ARHGEF18: variants seen among roughly 807,000 people sequenced by gnomAD.
The protein encoded by ARHGEF18 is rho guanine nucleotide exchange factor 18.
Under a neutral mutation model 155.7 loss-of-function variants are expected in ARHGEF18, and 93 were observed. The ratio of observed to expected loss-of-function variants is 0.60; its 90% CI spans 0.50 to 0.71. The LOEUF (loss-of-function observed/expected upper bound fraction) is 0.71. Among genes scored for constraint, ARHGEF18 ranks in the 30% least tolerant of loss-of-function variants. The probability of loss-of-function intolerance (pLI) is 0.00; values close to 1 mark genes in which losing one functional copy is unlikely to be tolerated. For synonymous variants in ARHGEF18, 742 were observed against 753.1 expected, an observed-to-expected ratio of 0.99 and a Z score of 0.24; for missense variants, 1,593 against 1,816.1, an observed-to-expected ratio of 0.88 and a Z score of 2.23.
intron 1 of ARHGEF18, among the ~76,000 whole-genome samples, chr19:7,349,490 G>C (rs13344291): frequency 0.045 from 6,891 of 151,962 alleles, 524 homozygotes; most frequent in African/African-American, 0.16. Flanking sequence ...AAGAAAGGAG[G>C]GTGGAGGCCG....
intron 1 of ARHGEF18, chr19:7,355,538 C>A: frequency 2.4e-6 from 2 of 824,444 alleles, no homozygotes; most frequent in Non-Finnish European, 2.9e-6. Flanking sequence ...ACCTTGGAGG[C>A]AGTCTCCGCC....
intron 1 of ARHGEF18, among the ~76,000 whole-genome samples, chr19:7,360,573 C>T (rs962926952): frequency 1.3e-4 from 20 of 152,172 alleles, no homozygotes; most frequent in African/African-American, 2.2e-4. Flanking sequence ...GGATCCCAGA[C>T]CTTCAGGGTT....
At chr19:7,403,549 C>CTTTTT (rs200331404) in intron 10 of ARHGEF18, among the ~76,000 whole-genome samples, 7 of 130,186 alleles carry the variant, frequency 5.4e-5, no homozygotes, top group African/African-American at 3.0e-4. Context: ...TTCTTTCTTT[C>CTTTTT]TTTCTTTTTT....
downstream of ARHGEF18, chr19:7,477,203 CAG>C (rs781542958): frequency 2.1e-5 from 31 of 1,490,928 alleles, no homozygotes; most frequent in East Asian, 7.3e-5. Context: ...CCGGCAGTGT[CAG>C]GGGGTAGTGG....
intron 15 of ARHGEF18, among the ~76,000 whole-genome samples, chr19:7,448,488 G>T (rs551213393): frequency 9.2e-5 from 14 of 152,172 alleles, no homozygotes; most frequent in Admixed American, 6.6e-4. Context: ...GGTGAAACCT[G>T]GTCTCTACTA....
intron 26 of ARHGEF18, 79 bp from the exon 27 acceptor site, chr19:7,468,746 T>G: frequency 7.1e-7 from 1 of 1,410,582 alleles, no homozygotes; most frequent in South Asian, 1.4e-5. Flanking sequence ...GAGGGTCTCC[T>G]GTGCACGACC....
In ARHGEF18 at chr19:7,463,642, G is replaced by A. The variant is rs1010392414; in HGVS notation, c.2636-176G>A. On this transcript the variant is annotated intron_variant, in intron 21 of 28. Transcript: ENST00000668164. This position sits in a 1 kb window ranked among gnomAD's most constrained non-coding sequence, Gnocchi z 5.2. Reference sequence around the variant, plus strand: ...GCCTGTCCTGGTGGCCATACCTGAAGTAAGGGTGTGCGCAGGGACAGTGGG... The same window carrying A: ...GCCTGTCCTGGTGGCCATACCTGAAATAAGGGTGTGCGCAGGGACAGTGGG... Among the ~76,000 whole-genome samples the A allele has an allele frequency of 8.5e-5, 13 of 152,332 alleles. No homozygotes were observed. The highest frequency in any genetic ancestry group is 3.4e-3 in the Middle Eastern group (1 of 294).
At chr19:7,376,786 A>C in intron 5 of ARHGEF18, 29 bp downstream of exon 5, 2 of 1,222,778 alleles carry the variant, frequency 1.6e-6, no homozygotes, top group Non-Finnish European at 2.0e-6. Context: ...TCCTTCATTC[A>C]AACCAAGTCA....
At chr19:7,367,472 C>A (rs547728613) in intron 2 of ARHGEF18, among the ~76,000 whole-genome samples, 1 of 151,912 alleles carries the variant, frequency 6.6e-6, no homozygotes, top group Middle Eastern at 3.2e-3. Flanking sequence ...TGGGGCCGGG[C>A]GTGGTGACTC....
chr19:7,459,844 T>C, intron 19 of ARHGEF18, 59 bp from the exon 20 acceptor site: 1 of 1,437,794 alleles, frequency 7.0e-7, no homozygotes, highest in Non-Finnish European at 9.5e-7. Flanking sequence ...AACCAGCGTC[T>C]GTGCCGAGGC....
intron 14 of ARHGEF18, among the ~76,000 whole-genome samples, chr19:7,445,145 C>T (rs560359108): frequency 3.3e-5 from 5 of 152,320 alleles, no homozygotes; most frequent in African/African-American, 1.2e-4. Context: ...ATGCTTTCAA[C>T]CGTTCAAAGC....
chr19:7,428,047 C>T (rs1303018867), intron 10 of ARHGEF18, among the ~76,000 whole-genome samples: 1 of 152,076 alleles, frequency 6.6e-6, no homozygotes, highest in Non-Finnish European at 1.5e-5. Context: ...CAAACATGTA[C>T]AGAACTTAAA....
intron 10 of ARHGEF18, among the ~76,000 whole-genome samples, chr19:7,438,442 A>C (rs1974410710): frequency 3.1e-5 from 4 of 129,872 alleles, no homozygotes; most frequent in East Asian, 2.3e-4. Flanking sequence ...ACAGAGTTTC[A>C]CTCTTGTTGC....
chr19:7,374,892 C>G (rs1970363136), intron 3 of ARHGEF18, among the ~76,000 whole-genome samples: 1 of 152,166 alleles, frequency 6.6e-6, no homozygotes, highest in Non-Finnish European at 1.5e-5. Context: ...ACCATGCACC[C>G]CACAGTGGCA....
Position 7,451,258 on chromosome 19 carries a change from A to G in ARHGEF18, c.1847A>G (p.Asn616Ser), listed in dbSNP as rs752452949. The G allele has an allele frequency of 2.5e-6, 4 of 1,613,286 alleles. No homozygotes were observed. The highest frequency in any genetic ancestry group is 2.7e-5 in the African/African-American group (2 of 74,722). Reference protein sequence around the residue: ...YPVLVERIIQNTEAGTEDYED... With the variant: ...YPVLVERIIQSTEAGTEDYED... The stretch of plus-strand genomic sequence containing the variant: ...GTGCTGGTGGAGCGCATCATCCAGA[A>G]CACGGAAGGTAGGCCTTCTCCCCAC... The change falls in exon 16 of 29, where the codon AAC (asparagine) becomes AGC (serine). Residue 616 changes from asparagine to serine, a missense_variant. Physicochemically the swap from Asn to Ser is conservative, Grantham distance 46 (BLOSUM62 1). Coordinates refer to ENST00000668164, the MANE Select transcript of ARHGEF18 (RefSeq NM_001367823.1).
intron 15 of ARHGEF18, among the ~76,000 whole-genome samples, chr19:7,448,163 A>G (rs948694400): frequency 1.3e-5 from 2 of 152,178 alleles, no homozygotes; most frequent in African/African-American, 4.8e-5. Context: ...GCCCTGCCCC[A>G]GGAACTGGGC....
intron 10 of ARHGEF18, among the ~76,000 whole-genome samples, chr19:7,419,237 CG>C (rs1973200225): frequency 5.8e-5 from 7 of 120,076 alleles, no homozygotes; most frequent in East Asian, 2.8e-4. Context: ...CTCTGTACCC[CG>C]ATGTACCCAC....
At chr19:7,375,990 G>GGT in intron 4 of ARHGEF18, 120 bp downstream of exon 4, 1 of 1,115,002 alleles carries the variant, frequency 9.0e-7, no homozygotes, top group Non-Finnish European at 1.1e-6. Context: ...TGGCAGGGTG[G>GGT]AGGCTGCTTA....
chr19:7,432,046 A>C (rs1973999209), intron 10 of ARHGEF18, among the ~76,000 whole-genome samples: 1 of 151,638 alleles, frequency 6.6e-6, no homozygotes, highest in African/African-American at 2.4e-5. Context: ...GTCTTTTTTA[A>C]TTTTTCTTTG....
Sources: allele counts gnomAD v4.1 joint callset (sites outside exome capture counted in the v4.1 genomes callset), GRCh38; gene constraint gnomAD v4.1.1; non-coding constraint Gnocchi (gnomAD v3.1); transcripts MANE v1.5; gene names NCBI Gene and HGNC (gene_info 2026-07-23, HGNC 2026-07-21).